ZNF583: variants seen among roughly 807,000 people sequenced by gnomAD.
ZNF583 encodes zinc finger protein 583.
A neutral mutation model predicts 55.3 loss-of-function variants in ZNF583; 30 were observed. The observed-to-expected ratio is 0.54, with a 90% CI of 0.41 to 0.74. The LOEUF (loss-of-function observed/expected upper bound fraction) is 0.74, where lower values mean the gene tolerates loss of function less well. Among genes scored for constraint, ZNF583 ranks in the 30% least tolerant of loss-of-function variants. The probability of loss-of-function intolerance (pLI) is 0.00; values close to 1 mark genes in which losing one functional copy is unlikely to be tolerated. For missense variants in ZNF583, 504 were observed against 664.7 expected (o/e 0.76, Z 2.66); for synonymous variants, 208 against 220.0 (o/e 0.95, Z 0.48).
intron 4 of ZNF583, among the ~76,000 whole-genome samples, chr19:56,421,720 C>G (rs1303616701): frequency 6.6e-6 from 1 of 152,172 alleles, no homozygotes; most frequent in Non-Finnish European, 1.5e-5. Context: ...TAAGCACCTT[C>G]TATCTGTCCA....
In ZNF583 at chr19:56,423,469, A is replaced by T. The variant is rs1182884381; in HGVS notation, c.811A>T (p.Lys271Ter). The T allele has an allele frequency of 6.2e-7, 1 of 1,613,870 alleles. No individual in the cohort carries two copies. Among genetic ancestry groups the T allele is most frequent in the Non-Finnish European group, 8.5e-7 (1 of 1,179,938 alleles). Residue 271 changes from lysine (K) to a stop codon, truncating the protein, a stop_gained, in exon 5 of 5, where the codon AAA (lysine) becomes TAA (stop). Coordinates refer to ENST00000333201, the MANE Select transcript of ZNF583 (RefSeq NM_152478.3). LOFTEE classifies it high-confidence loss of function. The stretch of plus-strand genomic sequence containing the variant: ...TACTGGAGAGAAACCCTATGAATGT[A>T]AAGAATGTAGGAAAGCCTTCAGCCA... ...IHTGEKPYEC[K>*]ECRKAFSQNA...
In ZNF583 at chr19:56,413,985, T is replaced by C. The variant is rs1336742055; in HGVS notation, c.36T>C (p.Ala12=). ...SKDLVTFGDV[A]VNFSQEEWEW... is the part of the protein sequence containing the mutation. ...ATTTGGTGACATTTGGGGATGTGGCTGTAAATTTCTCTCAAGAGGAATGGG... is the reference window on the plus strand; with the variant it reads ...ATTTGGTGACATTTGGGGATGTGGCCGTAAATTTCTCTCAAGAGGAATGGG... The change falls in exon 3 of 5, where the codon GCT becomes GCC. Residue 12 remains alanine (A), a synonymous_variant. Coordinates refer to ENST00000333201, the MANE Select transcript of ZNF583 (RefSeq NM_152478.3). 2 of 1,614,052 alleles carry C rather than the reference T, an allele frequency of 1.2e-6. No individual in the cohort carries two copies. The highest frequency in any genetic ancestry group is 1.7e-6 in the Non-Finnish European group (2 of 1,180,020).
chr19:56,405,978 G>A (rs1011065995), intron 1 of ZNF583, among the ~76,000 whole-genome samples: 5 of 152,184 alleles, frequency 3.3e-5, no homozygotes, highest in Admixed American at 3.3e-4. Flanking sequence ...CCACTTCATA[G>A]GTAATGGCTT....
At chr19:56,413,155 A>C (rs2042264130) in intron 2 of ZNF583, among the ~76,000 whole-genome samples, 1 of 152,248 alleles carries the variant, frequency 6.6e-6, no homozygotes, top group Non-Finnish European at 1.5e-5. Flanking sequence ...AATTCAACAC[A>C]CACAAGACCT....
At chr19:56,422,241 A>T (rs920829383) in intron 4 of ZNF583, among the ~76,000 whole-genome samples, 1 of 152,194 alleles carries the variant, frequency 6.6e-6, no homozygotes, top group African/African-American at 2.4e-5. Flanking sequence ...TTGGAACTGG[A>T]CAGGGGAAGG....
chr19:56,404,385 C>G lies in ZNF583; in HGVS notation c.-157C>G, dbSNP rs777535366. 6.6e-6 allele frequency: 1 copy of G among 151,180 alleles called. No individual in the cohort carries two copies. Among genetic ancestry groups the G allele is most frequent in the Non-Finnish European group, 1.5e-5 (1 of 68,152 alleles). 9.4% of individuals were successfully genotyped at this position (151,180 alleles called of 1,614,324 possible). ...CGCCGGCCAGGATCGAGCCCTGGCC[C>G]GGGCCCTGGCCCAGCCCCGGCCTCC... On this transcript the variant is annotated 5_prime_UTR_variant, in exon 1 of 5. Coordinates refer to ENST00000333201, the MANE Select transcript of ZNF583 (RefSeq NM_152478.3). This position sits in a 1 kb window ranked among gnomAD's most constrained non-coding sequence, Gnocchi z 5.2.
chr19:56,414,254 C>A, intron 3 of ZNF583, 91 bp from the exon 4 acceptor site: 1 of 1,501,726 alleles, frequency 6.7e-7, no homozygotes, highest in Middle Eastern at 1.7e-4. Flanking sequence ...TTCCTCAGCT[C>A]CCTCCCATTA....
chr19:56,420,032 T>C (rs116817340), intron 4 of ZNF583, among the ~76,000 whole-genome samples: 312 of 152,294 alleles, frequency 2.0e-3, no homozygotes, highest in African/African-American at 6.1e-3. Flanking sequence ...GATTATTGAT[T>C]TTTAGACTTT....
chr19:56,407,063 G>C lies in ZNF583; in HGVS notation c.-52G>C. On this transcript the variant is annotated 5_prime_UTR_variant, in exon 2 of 5. Coordinates refer to ENST00000333201, the MANE Select transcript of ZNF583 (RefSeq NM_152478.3). ...AGGATACTGTCCCTCTCCCACAGAG[G>C]AGCTGAAGGAGTAGGACAGAAGAAC... is the stretch of plus-strand genomic sequence containing the variant. 1 of 1,608,660 alleles carries C rather than the reference G, an allele frequency of 6.2e-7. No individual in the cohort carries two copies. Among genetic ancestry groups the C allele is most frequent in the South Asian group, 1.1e-5 (1 of 90,650 alleles).
intron 3 of ZNF583, 30 bp from the exon 4 acceptor site, chr19:56,414,315 C>G (rs761497478): frequency 8.7e-6 from 14 of 1,606,058 alleles, no homozygotes; most frequent in Non-Finnish European, 1.2e-5. Context: ...TATAGACCTG[C>G]CTAATTCCCC....
At chr19:56,408,026 T>A (rs1386719157) in intron 2 of ZNF583, among the ~76,000 whole-genome samples, 1 of 152,202 alleles carries the variant, frequency 6.6e-6, no homozygotes, top group Non-Finnish European at 1.5e-5. Flanking sequence ...ATAAACACCT[T>A]GTGCCAAGTG....
intron 2 of ZNF583, among the ~76,000 whole-genome samples, chr19:56,408,784 T>C (rs1482737780): frequency 1.3e-5 from 2 of 152,196 alleles, no homozygotes; most frequent in African/African-American, 4.8e-5. Flanking sequence ...AGAACCTTCA[T>C]TGCCTTCCTA....
rs1294021152 is a variant in ZNF583, at chr19:56,425,854, G to GT, written c.*1490dup. On this transcript the variant is annotated 3_prime_UTR_variant, in exon 5 of 5. Coordinates refer to ENST00000333201, the MANE Select transcript of ZNF583 (RefSeq NM_152478.3). ...TATGAATACCTTCAGCAGACCATGT[G>GT]TTTTCCCTTTCTCCAACATTCAAAC... is the stretch of plus-strand genomic sequence containing the variant. 6.6e-6 allele frequency: 1 copy of GT among 152,118 alleles called. No individual in the cohort carries two copies. The highest frequency in any genetic ancestry group is 1.5e-5 in the Non-Finnish European group (1 of 68,006). 9.4% of individuals were successfully genotyped at this position (152,118 alleles called of 1,614,324 possible).
intron 4 of ZNF583, among the ~76,000 whole-genome samples, chr19:56,417,908 C>G (rs1433215849): frequency 2.6e-5 from 4 of 152,162 alleles, no homozygotes; most frequent in Non-Finnish European, 4.4e-5. Context: ...CTTTCCCTTC[C>G]TAATTCTATC....
chr19:56,414,240 C>A, intron 3 of ZNF583, 105 bp from the exon 4 acceptor site: 1 of 1,505,914 alleles, frequency 6.6e-7, no homozygotes, highest in South Asian at 1.1e-5. Context: ...CTTCCCCATT[C>A]TTATTCCTCA....
At position 56,424,002 on chromosome 19, in the gene ZNF583, T is replaced by G; in HGVS notation, c.1344T>G (p.Ser448Arg). 1.2e-6 allele frequency: 2 copies of G among 1,614,054 alleles called. No individual in the cohort carries two copies. The highest frequency in any genetic ancestry group is 1.7e-6 in the Non-Finnish European group (2 of 1,179,978). Residue 448 changes from serine (S) to arginine (R), a missense_variant, in exon 5 of 5, where the codon AGT becomes AGG. Coordinates refer to ENST00000333201, the MANE Select transcript of ZNF583 (RefSeq NM_152478.3). ...CIECGKAFSN[S>R]SSLAQHQRSH... Reference sequence around the variant, plus strand: ...AATGTGGGAAGGCCTTTAGCAATAGTTCATCACTTGCACAACATCAGAGAA... The same window carrying G: ...AATGTGGGAAGGCCTTTAGCAATAGGTCATCACTTGCACAACATCAGAGAA...
chr19:56,409,654 G>A (rs1284676537), intron 2 of ZNF583, among the ~76,000 whole-genome samples: 1 of 152,028 alleles, frequency 6.6e-6, no homozygotes, highest in Non-Finnish European at 1.5e-5. Flanking sequence ...TGGTTTTTGA[G>A]AACCTCTGCC....
rs774841115 is a variant in ZNF583 at position 56,424,272 on chromosome 19, T to A, written c.1614T>A (p.His538Gln). Residue 538 changes from histidine to glutamine, a missense_variant, in exon 5 of 5, where the codon CAT becomes CAA. Coordinates refer to ENST00000333201, the MANE Select transcript of ZNF583 (RefSeq NM_152478.3). Reference protein sequence around the residue: ...SFRQRAHLAHHERIHTMESFL... With the variant: ...SFRQRAHLAHQERIHTMESFL... ...GGCAGCGTGCACATCTTGCTCATCA[T>A]GAGAGAATTCATACTATGGAGTCAT... 1 of 1,613,972 alleles carries A rather than the reference T, an allele frequency of 6.2e-7. No individual in the cohort carries two copies. Among genetic ancestry groups the A allele is most frequent in the South Asian group, 1.1e-5 (1 of 91,078 alleles).
intron 4 of ZNF583, 59 bp from the exon 5 acceptor site, chr19:56,422,832 T>A (rs975515226): frequency 2.4e-5 from 32 of 1,360,210 alleles, no homozygotes; most frequent in Admixed American, 1.0e-4. Context: ...CGTTTTTGTT[T>A]TAGAAATTTC....
Sources: gnomAD v4.1 joint callset for allele counts (sites outside exome capture counted in the v4.1 genomes callset) on GRCh38, gnomAD v4.1.1 for gene constraint, Gnocchi (gnomAD v3.1) non-coding constraint, MANE v1.5 for transcripts, NCBI Gene and HGNC (gene_info 2026-07-23, HGNC 2026-07-21) for gene names.